The following UMOD variants were observed in gnomAD, a reference collection of about 807,000 sequenced individuals.
UMOD encodes the protein uromodulin.
A neutral mutation model predicts 66.0 loss-of-function variants in UMOD; 64 were observed. The ratio of observed to expected loss-of-function variants is 0.97; its 90% CI spans 0.79 to 1.19. The LOEUF is 1.19. UMOD is among the 50% of genes most tolerant of loss of function. UMOD has a pLI of 0.00. For missense variants in UMOD, 764 were observed against 850.9 expected (o/e 0.90, Z 1.27); for synonymous variants, 398 against 352.7 (o/e 1.13, Z -1.44).
At chr16:20,343,552 A>G (rs111245854) in intron 6 of UMOD, among the ~76,000 whole-genome samples, 1 of 152,316 alleles carries the variant, frequency 6.6e-6, no homozygotes, top group South Asian at 2.1e-4. Flanking sequence ...TTTGATTCAC[A>G]TCTGAATCAT....
At chr16:20,341,965 A>G (rs745531196) in intron 6 of UMOD, among the ~76,000 whole-genome samples, 5 of 152,268 alleles carry the variant, frequency 3.3e-5, no homozygotes, top group African/African-American at 4.8e-5. Context: ...AATAAGGCAC[A>G]TGAGAAATAC....
At chr16:20,344,598 C>T (rs1271105277) in intron 5 of UMOD, among the ~76,000 whole-genome samples, 1 of 39,986 alleles carries the variant, frequency 2.5e-5, no homozygotes, top group African/African-American at 1.1e-4. Flanking sequence ...GAGATTCCAT[C>T]TCAAAAAAAA....
upstream of UMOD, among the ~76,000 whole-genome samples, chr16:20,353,824 G>A (rs1329601948): frequency 6.6e-6 from 1 of 151,866 alleles, no homozygotes; most frequent in Non-Finnish European, 1.5e-5. Flanking sequence ...TGTTACATAT[G>A]TATACATGTG....
At chr16:20,334,724 GAGTT>G (rs1390401675) in intron 10 of UMOD, among the ~76,000 whole-genome samples, 1 of 152,084 alleles carries the variant, frequency 6.6e-6, no homozygotes, top group Non-Finnish European at 1.5e-5. Flanking sequence ...GGACCTCAGG[GAGTT>G]AGAGGAGCAA....
chr16:20,346,883 GAGAAAGAAAGAAAGAAAGAA>G (rs147502738), intron 4 of UMOD, among the ~76,000 whole-genome samples: 2 of 151,192 alleles, frequency 1.3e-5, no homozygotes, highest in African/African-American at 4.9e-5. Flanking sequence ...AAAAGAAAGA[GAGAAAGAAAGAAAGAAAGAA>G]AGAAAGAAAG....
In UMOD at chr16:20,337,423, T is replaced by TCTAG. The variant is rs774459126; in HGVS notation, c.1607_1608insCTAG (p.Gln536HisfsTer2). On this transcript the variant is annotated stop_gained and frameshift_variant, in exon 8 of 11. Transcript: ENST00000396138. LOFTEE classifies it high-confidence loss of function. Reference sequence around the variant, plus strand: ...GGGAGGACTCCCCATTCTCCACCACTTGGATAGTTGAGTCTCTAGTGTGTG... The same window carrying TCTAG: ...GGGAGGACTCCCCATTCTCCACCACTCTAGTGGATAGTTGAGTCTCTAGTGTGTG... 1 of 1,614,218 alleles carries TCTAG rather than the reference T, an allele frequency of 6.2e-7. No homozygotes were observed. The highest frequency in any genetic ancestry group is 2.2e-5 in the East Asian group (1 of 44,876).
In UMOD at chr16:20,348,432, T is replaced by G. The variant is rs1407022206; in HGVS notation, c.865+4A>C. The stretch of plus-strand genomic sequence containing the variant: ...ATGAGGACTGTGGGGAGACTCCGGC[T>G]GACCTGTGCAGTACGCCAGGTGACA... On this transcript the variant is annotated splice_donor_region_variant and intron_variant, in intron 3 of 10. Coordinates refer to ENST00000396138, the MANE Select transcript of UMOD (RefSeq NM_003361.4). 6.2e-7 allele frequency: 1 copy of G among 1,614,020 alleles called. No homozygotes were observed. The highest frequency in any genetic ancestry group is 1.7e-5 in the Admixed American group (1 of 60,024).
At position 20,351,939 on chromosome 16, in the gene UMOD, A is replaced by G. The variant is rs551106184; in HGVS notation, c.-103+750T>C. On this transcript the variant is annotated intron_variant, in intron 1 of 10. Coordinates refer to ENST00000396138, the MANE Select transcript of UMOD (RefSeq NM_003361.4). ...AGGCTGAGACAGGAGGATTGCTTGA[A>G]CCTGGGAGGCAGAGGTTGCAGTGAG... 2.0e-5 allele frequency among the ~76,000 whole-genome samples: 3 copies of G among 150,822 alleles called. 1 individual carries two copies. Among genetic ancestry groups the G allele is most frequent in the African/African-American group, 7.4e-5 (3 of 40,810 alleles).
At chr16:20,343,639 C>T (rs1335111007) in intron 6 of UMOD, among the ~76,000 whole-genome samples, 4 of 152,158 alleles carry the variant, frequency 2.6e-5, no homozygotes, top group African/African-American at 4.8e-5. Context: ...TGGGCTCAAG[C>T]GATCCTCCCA....
At chr16:20,333,452 A>T in intron 10 of UMOD, 77 bp from the exon 11 acceptor site, 1 of 1,384,384 alleles carries the variant, frequency 7.2e-7, no homozygotes, top group East Asian at 2.5e-5. Context: ...TGCCTCGTCT[A>T]GGCTGACCAA....
chr16:20,337,289 A>G lies in UMOD; in HGVS notation c.1740+2T>C, dbSNP rs770403453. On this transcript the variant is annotated splice_donor_variant, in intron 8 of 10. Coordinates refer to ENST00000396138, the MANE Select transcript of UMOD (RefSeq NM_003361.4). LOFTEE classifies it high-confidence loss of function. Reference sequence around the variant, plus strand: ...TGGGCTGGGGGAGGGGAGTCAACTCACAGGCTTGCACTTTTCATTCATGGT... The same window carrying G: ...TGGGCTGGGGGAGGGGAGTCAACTCGCAGGCTTGCACTTTTCATTCATGGT... 5.6e-6 allele frequency: 9 copies of G among 1,614,072 alleles called. No individual in the cohort carries two copies. The Admixed American group carries it at 1.3e-4, about 24-fold the overall frequency.
chr16:20,335,344 A>T, intron 10 of UMOD, 138 bp downstream of exon 10: 1 of 829,746 alleles, frequency 1.2e-6, no homozygotes, highest in Non-Finnish European at 2.0e-6. Context: ...AGGTTCTCTG[A>T]GCCACTCTCC....
At chr16:20,348,202 C>T (rs1965689458) in intron 4 of UMOD, 21 bp downstream of exon 4, 2 of 1,609,672 alleles carry the variant, frequency 1.2e-6, no homozygotes, top group Non-Finnish European at 1.7e-6. Context: ...CAACAACCCG[C>T]TTCCTCCCCA....
rs762973149 is a variant in UMOD at position 20,349,185 on chromosome 16, G to A, written c.116C>T (p.Ala39Val). ...AACGGCCTCATCCTCCGTGCAGGTG[G>A]CATTGCTGTGACATTCAGAGCACCA... Reference protein sequence around the residue: ...ARWCSECHSNATCTEDEAVTT... With the variant: ...ARWCSECHSNVTCTEDEAVTT... The change falls in exon 3 of 11, where the codon GCC (alanine) becomes GTC (valine). Residue 39 changes from alanine (A) to valine (V), a missense_variant. Transcript: ENST00000396138. The A allele has an allele frequency of 1.2e-6, 2 of 1,613,780 alleles. No individual in the cohort carries two copies. The highest frequency in any genetic ancestry group is 2.2e-5 in the South Asian group (2 of 91,024).
At chr16:20,354,093 T>G (rs1596571276), upstream of UMOD, among the ~76,000 whole-genome samples, 2 of 152,364 alleles carry the variant, frequency 1.3e-5, no homozygotes, top group Middle Eastern at 3.4e-3. Flanking sequence ...AACTCATATT[T>G]TTTATGGCTG....
chr16:20,341,162 G>A lies in UMOD; in HGVS notation c.1506C>T (p.Leu502=), dbSNP rs778094667. 6.8e-6 allele frequency: 11 copies of A among 1,614,096 alleles called. 1 individual carries two copies. The highest frequency in any genetic ancestry group is 1.6e-4 in the Middle Eastern group (1 of 6,062). ...TGGGTGTGGCATAGCAGTTGGTCATGAGCAGTGCAAATCGGGACAGGTCGC... is the reference window on the plus strand; with the variant it reads ...TGGGTGTGGCATAGCAGTTGGTCATAAGCAGTGCAAATCGGGACAGGTCGC... ...DGGDLSRFAL[L]MTNCYATPSS... is the part of the protein sequence containing the mutation. The change falls in exon 7 of 11, where the codon CTC becomes CTT. Residue 502 remains leucine (L), a synonymous_variant. Transcript: ENST00000396138.
chr16:20,339,223 A>G (rs1965051129), intron 7 of UMOD, among the ~76,000 whole-genome samples: 2 of 152,280 alleles, frequency 1.3e-5, no homozygotes, highest in African/African-American at 4.8e-5. Flanking sequence ...TACTCCAATC[A>G]AGGTCATGCC....
At position 20,348,995 on chromosome 16, in the gene UMOD, G is replaced by T; in HGVS notation, c.306C>A (p.Pro102=). The change falls in exon 3 of 11, where the codon CCC becomes CCA. Residue 102 remains proline (P), a synonymous_variant. Transcript: ENST00000396138. ...CATCCACGTCTGTGCAGCCGAGACCGGGCGACAGGCGGAAGCCTTCGGGGC... is the reference window on the plus strand; with the variant it reads ...CATCCACGTCTGTGCAGCCGAGACCTGGCGACAGGCGGAAGCCTTCGGGGC... ...CVCPEGFRLS[P]GLGCTDVDEC... 3 of 1,578,274 alleles carry T rather than the reference G, an allele frequency of 1.9e-6. No individual in the cohort carries two copies. The highest frequency in any genetic ancestry group is 2.6e-6 in the Non-Finnish European group (3 of 1,162,108).
chr16:20,334,556 A>T (rs1964769602), intron 10 of UMOD, among the ~76,000 whole-genome samples: 1 of 152,078 alleles, frequency 6.6e-6, no homozygotes, highest in Non-Finnish European at 1.5e-5. Flanking sequence ...TTCTCATGTG[A>T]TTATCTGGGC....
Sources: gnomAD v4.1 joint callset for allele counts (sites outside exome capture counted in the v4.1 genomes callset) on GRCh38, gnomAD v4.1.1 for gene constraint, MANE v1.5 for transcripts, NCBI Gene and HGNC (gene_info 2026-07-23, HGNC 2026-07-21) for gene names.